HIKESHI: variants seen among roughly 807,000 people sequenced by gnomAD.
HIKESHI encodes the protein heat shock protein nuclear import factor hikeshi.
HIKESHI carries 13 observed loss-of-function variants against 25.7 expected under a neutral mutation model. The ratio of observed to expected loss-of-function variants is 0.51; its 90% CI spans 0.33 to 0.80. The LOEUF (loss-of-function observed/expected upper bound fraction) is 0.80. HIKESHI is among the 30% of genes least tolerant of loss of function. The pLI is 0.02. For missense variants in HIKESHI, 174 were observed against 229.5 expected (o/e 0.76, Z 1.56); for synonymous variants, 76 against 78.7 (o/e 0.97, Z 0.18).
chr11:86,311,873 A>G (rs903134439), intron 2 of HIKESHI, among the ~76,000 whole-genome samples: 4 of 152,152 alleles, frequency 2.6e-5, no homozygotes, highest in African/African-American at 9.7e-5. Flanking sequence ...AGCGGTTTTG[A>G]GTGCGTTTCT....
chr11:86,331,006 C>T (rs1947407835), intron 2 of HIKESHI, among the ~76,000 whole-genome samples: 1 of 152,188 alleles, frequency 6.6e-6, no homozygotes, highest in South Asian at 2.1e-4. Flanking sequence ...TTAACCAAGA[C>T]CTTTAATTAC....
chr11:86,306,335 C>G lies in HIKESHI; in HGVS notation c.121C>G (p.Leu41Val). 6.2e-7 allele frequency: 1 copy of G among 1,613,948 alleles called. No individual in the cohort carries two copies. Among genetic ancestry groups the G allele is most frequent in the Non-Finnish European group, 8.5e-7 (1 of 1,179,874 alleles). Residue 41 changes from leucine (L) to valine (V), a missense_variant, in exon 2 of 5, where the codon CTG becomes GTG. By Grantham distance (32) the Leu-to-Val change is conservative (BLOSUM62 1). Transcript: ENST00000278483. Reference protein sequence around the residue: ...ESINHVVVFMLGTIPFPEGMG... With the variant: ...ESINHVVVFMVGTIPFPEGMG... ...TATCAACCATGTTGTGGTTTTTATG[C>G]TGGGAACAATCCCATTTCCTGAGGG...
chr11:86,336,780 G>A (rs527382831), intron 2 of HIKESHI, among the ~76,000 whole-genome samples: 6 of 152,086 alleles, frequency 3.9e-5, no homozygotes, highest in Non-Finnish European at 8.8e-5. Context: ...CAAGACACAC[G>A]ATAATCAAAC....
At chr11:86,307,018 T>A (rs1007570749) in intron 2 of HIKESHI, among the ~76,000 whole-genome samples, 22 of 144,972 alleles carry the variant, frequency 1.5e-4, no homozygotes, top group East Asian at 4.0e-4. Flanking sequence ...AAAAAATATA[T>A]ATATATATAT....
intron 3 of HIKESHI, among the ~76,000 whole-genome samples, chr11:86,342,651 G>A (rs1162705386): frequency 6.6e-6 from 1 of 151,494 alleles, no homozygotes; most frequent in Non-Finnish European, 1.5e-5. Context: ...GTGCAGTATG[G>A]TAAGGGAATT....
chr11:86,320,091 T>G (rs7944236), intron 2 of HIKESHI, among the ~76,000 whole-genome samples: 265 of 152,346 alleles, frequency 1.7e-3, no homozygotes, highest in African/African-American at 6.3e-3. Context: ...GTTGATTCCC[T>G]AGCATCCTTC....
Position 86,321,970 on chromosome 11 carries a change from AC to A in HIKESHI, c.269-15407del, listed in dbSNP as rs1264510439. ...CGTTTTAATTTGCATTTTTCTAATG[AC>A]CAGTGATATTGAGCAGTTTTCTTTT... is the stretch of plus-strand genomic sequence containing the variant. On this transcript the variant is annotated intron_variant, in intron 2 of 4. Transcript: ENST00000278483. Among the ~76,000 whole-genome samples the A allele has an allele frequency of 6.6e-5, 10 of 151,932 alleles. No individual in the cohort carries two copies. In the South Asian group the frequency reaches 2.1e-3, roughly 32 times the overall value.
intron 2 of HIKESHI, among the ~76,000 whole-genome samples, chr11:86,318,463 C>G (rs80262642): frequency 0.031 from 4,729 of 151,794 alleles, 233 homozygotes; most frequent in African/African-American, 0.11. Context: ...TTCATATTTT[C>G]TATAATTTTC....
chr11:86,343,834 GT>G (rs908410775), intron 3 of HIKESHI: 2 of 152,340 alleles, frequency 1.3e-5, no homozygotes, highest in African/African-American at 4.8e-5. Flanking sequence ...TGCTGGAAAG[GT>G]TATTTTTGAG....
At chr11:86,330,950 T>C (rs546537226) in intron 2 of HIKESHI, among the ~76,000 whole-genome samples, 36 of 152,102 alleles carry the variant, frequency 2.4e-4, no homozygotes, top group Non-Finnish European at 4.7e-4. Context: ...AACAGTGATA[T>C]GATTCGTTAT....
chr11:86,306,118 ATTTAACAT>A (rs1946616319), intron 1 of HIKESHI, 119 bp from the exon 2 acceptor site: 1 of 665,672 alleles, frequency 1.5e-6, no homozygotes, highest in Non-Finnish European at 2.6e-6. Context: ...AGACTATCAG[ATTTAACAT>A]TCTATTTGGT....
At chr11:86,321,870 T>C (rs771737731) in intron 2 of HIKESHI, among the ~76,000 whole-genome samples, 1 of 152,188 alleles carries the variant, frequency 6.6e-6, no homozygotes, top group Non-Finnish European at 1.5e-5. Context: ...AAGTTCCAGT[T>C]CTTTCATGTT....
At chr11:86,339,997 G>C (rs1020882527) in intron 3 of HIKESHI, among the ~76,000 whole-genome samples, 1 of 151,584 alleles carries the variant, frequency 6.6e-6, no homozygotes, top group African/African-American at 2.4e-5. Flanking sequence ...GAGGACATGC[G>C]GTGTTTGGTT....
Position 86,309,317 on chromosome 11 carries a change from C to G in HIKESHI, c.268+2835C>G, listed in dbSNP as rs564166953. ...TTTTGATTTGCATTTCTCTGATGAC[C>G]AGTGATAATGGGCATTTTTTCACGT... On this transcript the variant is annotated intron_variant, in intron 2 of 4. Transcript: ENST00000278483. Among the ~76,000 whole-genome samples, 5 of 152,280 alleles carry G rather than the reference C, an allele frequency of 3.3e-5. 1 individual carries two copies. The South Asian group carries it at 1.0e-3, about 32-fold the overall frequency.
At chr11:86,332,222 G>A (rs559754244) in intron 2 of HIKESHI, among the ~76,000 whole-genome samples, 1 of 151,734 alleles carries the variant, frequency 6.6e-6, no homozygotes, top group Non-Finnish European at 1.5e-5. Context: ...CCTCGGCCTC[G>A]CAAAGTGCTG....
At chr11:86,327,062 A>G (rs1424359859) in intron 2 of HIKESHI, among the ~76,000 whole-genome samples, 1 of 152,136 alleles carries the variant, frequency 6.6e-6, no homozygotes, top group Non-Finnish European at 1.5e-5. Flanking sequence ...TCTCTTCTCT[A>G]AAACCAAACC....
chr11:86,335,144 T>C (rs1278122421), intron 2 of HIKESHI, among the ~76,000 whole-genome samples: 1 of 152,168 alleles, frequency 6.6e-6, no homozygotes, highest in Middle Eastern at 3.2e-3. Context: ...GGGAGCAGGA[T>C]AGACCTAATT....
At chr11:86,328,113 T>A (rs1368895037) in intron 2 of HIKESHI, among the ~76,000 whole-genome samples, 1 of 152,224 alleles carries the variant, frequency 6.6e-6, no homozygotes, top group African/African-American at 2.4e-5. Flanking sequence ...ATTTTACTGT[T>A]AAGGCTCTTG....
At chr11:86,336,251 GAC>G (rs1053464843) in intron 2 of HIKESHI, among the ~76,000 whole-genome samples, 2 of 152,204 alleles carry the variant, frequency 1.3e-5, no homozygotes, top group Non-Finnish European at 2.9e-5. Context: ...ATGCACAGCA[GAC>G]ACAGTGTAAT....
Sources: gnomAD v4.1 joint callset for allele counts (sites outside exome capture counted in the v4.1 genomes callset) on GRCh38, gnomAD v4.1.1 for gene constraint, MANE v1.5 for transcripts, NCBI Gene and HGNC (gene_info 2026-07-23, HGNC 2026-07-21) for gene names.